Variants in GMCL1 observed in about 807,000 individuals in gnomAD.
The protein encoded by GMCL1 is germ cell-less 1, spermatogenesis associated.
Under a neutral mutation model 75.5 loss-of-function variants are expected in GMCL1, and 54 were observed. The observed-to-expected ratio is 0.71, with a 90% CI of 0.57 to 0.90. GMCL1 has a LOEUF of 0.90. Among genes scored for constraint, GMCL1 ranks in the 40% least tolerant of loss-of-function variants. The pLI is 0.00. For synonymous variants in GMCL1, 210 were observed against 209.6 expected (o/e 1.00, Z -0.02); for missense variants, 537 against 622.7 (o/e 0.86, Z 1.47).
intron 10 of GMCL1, among the ~76,000 whole-genome samples, chr2:69,864,157 GAT>G (rs1675739446): frequency 6.6e-6 from 1 of 151,798 alleles, no homozygotes; most frequent in Non-Finnish European, 1.5e-5. Context: ...GGATATCAAG[GAT>G]ATGTTTTATT....
chr2:69,879,158 A>G lies in GMCL1; in HGVS notation c.*154A>G. 1 of 573,542 alleles carries G rather than the reference A, an allele frequency of 1.7e-6. No homozygotes were observed. The highest frequency in any genetic ancestry group is 3.1e-6 in the Non-Finnish European group (1 of 319,752). The allele number at this position is 573,542 out of a possible 1,614,324, so 35.5% of individuals were successfully genotyped here. A position where few individuals can be genotyped will look rare whatever the true frequency, so the allele number is the denominator to read the frequency against. Reference sequence around the variant, plus strand: ...CAATGACAAAGGCCTTATGAACTGTACAGACAATACAGAAGATTATTCTTA... The same window carrying G: ...CAATGACAAAGGCCTTATGAACTGTGCAGACAATACAGAAGATTATTCTTA... On this transcript the variant is annotated 3_prime_UTR_variant, in exon 14 of 14. Transcript: ENST00000282570.
chr2:69,845,536 A>G (rs1675117001), intron 6 of GMCL1, among the ~76,000 whole-genome samples: 1 of 152,222 alleles, frequency 6.6e-6, no homozygotes, highest in African/African-American at 2.4e-5. Flanking sequence ...TCAGCCTCCA[A>G]GTAGCAGGGA....
rs941836707 is a variant in GMCL1 at position 69,871,764 on chromosome 2, G to A, written c.1384G>A (p.Asp462Asn). Residue 462 changes from aspartate to asparagine, a missense_variant, in exon 13 of 14, where the codon GAT (aspartate) becomes AAT (asparagine). By Grantham distance (23) the Asp-to-Asn change is conservative. Coordinates refer to ENST00000282570, the MANE Select transcript of GMCL1 (RefSeq NM_178439.5). ...IAFRLRLASF[D>N]SSGKLICSRT... is the part of the protein sequence containing the mutation. ...TCCTAGATTACGTTTGGCTTCTTTT[G>A]ATAGTAGTGGAAAACTAATATGTAG... 5 of 1,559,986 alleles carry A rather than the reference G, an allele frequency of 3.2e-6. No individual in the cohort carries two copies. In the African/African-American group the frequency reaches 5.5e-5, roughly 17 times the overall value.
intron 6 of GMCL1, among the ~76,000 whole-genome samples, chr2:69,845,514 A>C (rs1675116603): frequency 6.6e-6 from 1 of 152,206 alleles, no homozygotes; most frequent in African/African-American, 2.4e-5. Flanking sequence ...GAGCTCAAGC[A>C]GTCCTCCTGC....
intron 1 of GMCL1, among the ~76,000 whole-genome samples, chr2:69,834,160 A>G (rs1674752202): frequency 6.6e-6 from 1 of 151,842 alleles, no homozygotes; most frequent in Non-Finnish European, 1.5e-5. Context: ...CCTTTCCCCC[A>G]CTCTTGTCAA....
At chr2:69,869,571 G>A in intron 11 of GMCL1, 148 bp from the exon 12 acceptor site, 2 of 658,116 alleles carry the variant, frequency 3.0e-6, no homozygotes, top group Non-Finnish European at 5.1e-6. Context: ...TGGGTGGTAA[G>A]CCTTAAGAAA....
At position 69,880,898 on chromosome 2, in the gene GMCL1, C is replaced by A. The variant is rs1374634896; in HGVS notation, c.*1894C>A. The A allele has an allele frequency of 5.4e-5, 8 of 149,138 alleles. No individual in the cohort carries two copies. The highest frequency in any genetic ancestry group is 2.0e-4 in the African/African-American group (8 of 40,486). 9.2% of individuals were successfully genotyped at this position (149,138 alleles called of 1,614,324 possible). On this transcript the variant is annotated 3_prime_UTR_variant, in exon 14 of 14. Transcript: ENST00000282570. ...CTACTGTACTTATTTTTATATTTGACTACATTAGGTCTTTTTCACGGGAAG... is the reference window on the plus strand; with the variant it reads ...CTACTGTACTTATTTTTATATTTGAATACATTAGGTCTTTTTCACGGGAAG...
intron 11 of GMCL1, among the ~76,000 whole-genome samples, chr2:69,865,368 C>T (rs1054301769): frequency 6.6e-6 from 1 of 152,178 alleles, no homozygotes; most frequent in Admixed American, 6.5e-5. Flanking sequence ...CTTTTCTTGG[C>T]CAGGTGCGGT....
At position 69,829,755 on chromosome 2, in the gene GMCL1, C is replaced by G. The variant is rs1674613642; in HGVS notation, c.-138C>G. The G allele has an allele frequency of 1.0e-6, 1 of 978,070 alleles. No homozygotes were observed. Among genetic ancestry groups the G allele is most frequent in the Non-Finnish European group, 1.5e-6 (1 of 686,758 alleles). The allele number at this position is 978,070 out of a possible 1,614,324, so 60.6% of individuals were successfully genotyped here. A position where few individuals can be genotyped will look rare whatever the true frequency, so the allele number is the denominator to read the frequency against. ...GGGAAGAGGATGGAGACTGTGGCGT[C>G]CGCTGCAACGGTTGGGGCTGCGCGT... On this transcript the variant is annotated 5_prime_UTR_variant, in exon 1 of 14. Coordinates refer to ENST00000282570, the MANE Select transcript of GMCL1 (RefSeq NM_178439.5).
intron 1 of GMCL1, among the ~76,000 whole-genome samples, chr2:69,830,535 C>T (rs1014248550): frequency 1.3e-5 from 2 of 152,196 alleles, no homozygotes; most frequent in Admixed American, 1.3e-4. Context: ...TGCCTTAGTA[C>T]AGACACTAAA....
Position 69,844,116 on chromosome 2 carries a change from A to T in GMCL1, c.693-15A>T. 1 of 1,362,086 alleles carries T rather than the reference A, an allele frequency of 7.3e-7. No homozygotes were observed. Among genetic ancestry groups the T allele is most frequent in the East Asian group, 2.4e-5 (1 of 41,360 alleles). The allele number at this position is 1,362,086 out of a possible 1,614,324, so 84.4% of individuals were successfully genotyped here. A position where few individuals can be genotyped will look rare whatever the true frequency, so the allele number is the denominator to read the frequency against. On this transcript the variant is annotated splice_polypyrimidine_tract_variant and intron_variant, in intron 5 of 13. Coordinates refer to ENST00000282570, the MANE Select transcript of GMCL1 (RefSeq NM_178439.5). ...ACATGGCATATAATGTAATAATTAT[A>T]TATTTTAATTTCAGGTGCCTTGAAT...
chr2:69,835,612 T>TG lies in GMCL1; in HGVS notation c.261-1934dup, dbSNP rs1674798817. ...AGTTGGTTATAGGTGGGGCATGCTT[T>TG]GTAGAGCAGAGGTTCCCAAGCTTTC... On this transcript the variant is annotated intron_variant, in intron 1 of 13. Transcript: ENST00000282570. Among the ~76,000 whole-genome samples, 4 of 152,172 alleles carry TG rather than the reference T, an allele frequency of 2.6e-5. 1 individual carries two copies. The South Asian group carries it at 8.3e-4, about 32-fold the overall frequency.
At chr2:69,855,080 T>G (rs1357728228) in intron 9 of GMCL1, 120 bp downstream of exon 9, 1 of 748,584 alleles carries the variant, frequency 1.3e-6, no homozygotes, top group Non-Finnish European at 2.1e-6. Flanking sequence ...GGTATACATC[T>G]TTATGCCAAA....
intron 1 of GMCL1, among the ~76,000 whole-genome samples, chr2:69,831,589 A>G (rs559409397): frequency 1.0e-4 from 15 of 150,510 alleles, no homozygotes; most frequent in Non-Finnish European, 2.1e-4. Context: ...AGTGTAGCAT[A>G]GTTTTTTTTT....
At chr2:69,839,890 T>C (rs935329764) in intron 3 of GMCL1, among the ~76,000 whole-genome samples, 4 of 152,116 alleles carry the variant, frequency 2.6e-5, no homozygotes, top group Non-Finnish European at 5.9e-5. Context: ...TTATTCCCTA[T>C]GTATGAAGAT....
chr2:69,843,523 T>C (rs1184280925), intron 5 of GMCL1, among the ~76,000 whole-genome samples: 10 of 152,182 alleles, frequency 6.6e-5, no homozygotes, highest in Admixed American at 5.9e-4. Flanking sequence ...GTGTGGTGGC[T>C]AACACCTGTA....
intron 9 of GMCL1, among the ~76,000 whole-genome samples, chr2:69,859,275 A>C (rs1036969663): frequency 1.7e-4 from 26 of 151,946 alleles, no homozygotes; most frequent in African/African-American, 6.0e-4. Context: ...TCTCTAGATC[A>C]ATGAGTTTCA....
At chr2:69,855,962 G>C (rs1358752776) in intron 9 of GMCL1, among the ~76,000 whole-genome samples, 1 of 152,176 alleles carries the variant, frequency 6.6e-6, no homozygotes, top group Admixed American at 6.5e-5. Context: ...TTTAATTTAA[G>C]TGTGCCTGTG....
intron 10 of GMCL1, among the ~76,000 whole-genome samples, chr2:69,864,640 T>TC (rs1558548890): frequency 1.4e-5 from 2 of 146,056 alleles, no homozygotes; most frequent in Non-Finnish European, 3.0e-5. Flanking sequence ...AGGTTTTTTT[T>TC]CCTCTACTCT....
Sources: gnomAD v4.1 joint callset for allele counts (sites outside exome capture counted in the v4.1 genomes callset) on GRCh38, gnomAD v4.1.1 for gene constraint, MANE v1.5 for transcripts, NCBI Gene and HGNC (gene_info 2026-07-23, HGNC 2026-07-21) for gene names.